The following RIN2 variants were observed in gnomAD, a reference collection of about 807,000 sequenced individuals.
RIN2 encodes RAB5 interacting protein 2.
Under a neutral mutation model 78.0 loss-of-function variants are expected in RIN2, and 36 were observed. The ratio of observed to expected loss-of-function variants is 0.46; its 90% confidence interval spans 0.35 to 0.61. The LOEUF (loss-of-function observed/expected upper bound fraction) is 0.61, where lower values mean the gene tolerates loss of function less well. Ranked by LOEUF, RIN2 falls within the 20% of genes least tolerant of loss-of-function variation. The pLI is 0.00. For missense variants in RIN2, 1,087 were observed against 1,159.7 expected, an observed-to-expected ratio of 0.94 and a Z score of 0.91; for synonymous variants, 466 against 466.8, an observed-to-expected ratio of 1.00 and a Z score of 0.02.
At chr20:19,803,034 G>A (rs1182524921) in intron 2 of RIN2, among the ~76,000 whole-genome samples, 1 of 152,126 alleles carries the variant, frequency 6.6e-6, no homozygotes, top group East Asian at 1.9e-4. Flanking sequence ...AATTAACCGA[G>A]AATGCTTTAT....
At chr20:19,856,831 C>T (rs2037185822) in intron 2 of RIN2, among the ~76,000 whole-genome samples, 1 of 152,152 alleles carries the variant, frequency 6.6e-6, no homozygotes. Flanking sequence ...GTAGCTTTGG[C>T]TGTGAACTGA....
intron 1 of RIN2, among the ~76,000 whole-genome samples, chr20:19,796,664 G>T (rs182315042): frequency 6.6e-6 from 1 of 152,090 alleles, no homozygotes; most frequent in Non-Finnish European, 1.5e-5. Context: ...TTGGAATCAC[G>T]CAGGGAGCTT....
At chr20:19,789,807 A>C (rs958624704) in intron 1 of RIN2, among the ~76,000 whole-genome samples, 20 of 152,148 alleles carry the variant, frequency 1.3e-4, no homozygotes, top group Non-Finnish European at 2.9e-5. Flanking sequence ...CCCAGTCCCA[A>C]AGTGCTAGCC....
Position 20,000,978 on chromosome 20 carries a change from T to C in RIN2, c.*42T>C. The C allele has an allele frequency of 6.6e-7, 1 of 1,526,194 alleles. No individual in the cohort carries two copies. Among genetic ancestry groups the C allele is most frequent in the South Asian group, 1.2e-5 (1 of 83,420 alleles). 94.5% of individuals were successfully genotyped at this position (1,526,194 alleles called of 1,614,324 possible). The stretch of plus-strand genomic sequence containing the variant: ...CCCAGTGGTGCATCCAAAGGGGAGC[T>C]GGAAGCCTTGCCTTCCCGCTTCTAC... On this transcript the variant is annotated 3_prime_UTR_variant, in exon 13 of 13. Transcript: ENST00000255006.
intron 1 of RIN2, among the ~76,000 whole-genome samples, chr20:19,792,734 A>G (rs1372906202): frequency 6.6e-6 from 1 of 152,246 alleles, no homozygotes; most frequent in Admixed American, 6.5e-5. Context: ...TCTTCCAGCT[A>G]CAAAATGAGC....
intron 8 of RIN2, 48 bp from the exon 9 acceptor site, chr20:19,974,606 T>C (rs761241536): frequency 1.3e-6 from 2 of 1,559,664 alleles, no homozygotes; most frequent in South Asian, 2.3e-5. Context: ...AGGAATGGTC[T>C]GAGTGTACCG....
intron 2 of RIN2, among the ~76,000 whole-genome samples, chr20:19,866,091 G>C (rs1204002966): frequency 6.6e-6 from 1 of 151,984 alleles, no homozygotes; most frequent in Non-Finnish European, 1.5e-5. Flanking sequence ...CCCTGAGCTT[G>C]GTTTCCTGCA....
intron 2 of RIN2, among the ~76,000 whole-genome samples, chr20:19,854,736 C>T (rs1159106048): frequency 6.6e-6 from 1 of 152,120 alleles, no homozygotes; most frequent in Non-Finnish European, 1.5e-5. Flanking sequence ...ATTTTGTATC[C>T]TGAGACTTTG....
At chr20:19,760,014 C>T (rs17370078) in intron 1 of RIN2, among the ~76,000 whole-genome samples, 13,776 of 152,248 alleles carry the variant, frequency 0.09, 647 homozygotes, top group African/African-American at 0.12. Flanking sequence ...GATGTAGTCA[C>T]GTTCACTGAA....
chr20:19,844,645 CTTCTT>C (rs2036698651), intron 2 of RIN2, among the ~76,000 whole-genome samples: 1 of 127,272 alleles, frequency 7.9e-6, no homozygotes, highest in African/African-American at 3.0e-5. Flanking sequence ...TCTTCTTCTT[CTTCTT>C]CTTCTTCTTC....
At chr20:19,789,907 C>T (rs984457094) in intron 1 of RIN2, among the ~76,000 whole-genome samples, 8 of 152,170 alleles carry the variant, frequency 5.3e-5, no homozygotes, top group African/African-American at 1.9e-4. Flanking sequence ...AGTCTAATTC[C>T]ACTCACATGA....
intron 5 of RIN2, 55 bp from the exon 6 acceptor site, chr20:19,960,645 G>T: frequency 7.7e-7 from 1 of 1,295,546 alleles, no homozygotes; most frequent in Non-Finnish European, 1.1e-6. Context: ...CCAGATGCTT[G>T]GGTTCCAACA....
chr20:19,948,728 C>A (rs933053396), intron 4 of RIN2, among the ~76,000 whole-genome samples: 1 of 152,118 alleles, frequency 6.6e-6, no homozygotes, highest in East Asian at 1.9e-4. Context: ...TCCAGTTTCT[C>A]GGGAACACTC....
rs143260928 is a variant in RIN2 at position 19,893,513 on chromosome 20, G to A, written c.57+3855G>A. On this transcript the variant is annotated intron_variant, in intron 3 of 12. Transcript: ENST00000255006. ...CAGAGTTGCTAACCACTAGTAGTTAGCACTACTAGTGATTTGTGGTTTCCC... is the reference window on the plus strand; with the variant it reads ...CAGAGTTGCTAACCACTAGTAGTTAACACTACTAGTGATTTGTGGTTTCCC... Among the ~76,000 whole-genome samples, 217 of 152,288 alleles carry A rather than the reference G, an allele frequency of 1.4e-3. 2 individuals carry two copies. Among genetic ancestry groups the A allele is most frequent in the African/African-American group, 4.9e-3 (205 of 41,542 alleles).
intron 4 of RIN2, among the ~76,000 whole-genome samples, chr20:19,937,349 A>G (rs1019650597): frequency 1.3e-5 from 2 of 152,118 alleles, no homozygotes; most frequent in Admixed American, 1.3e-4. Context: ...AGTGGCGAGC[A>G]CCGCCCGGGC....
intron 6 of RIN2, among the ~76,000 whole-genome samples, chr20:19,961,854 T>A (rs978300915): frequency 1.3e-5 from 2 of 152,118 alleles, no homozygotes; most frequent in Non-Finnish European, 2.9e-5. Context: ...ACCCAGCCAA[T>A]AATGTAAATA....
intron 3 of RIN2, among the ~76,000 whole-genome samples, chr20:19,908,171 G>A (rs956793101): frequency 4.6e-5 from 7 of 152,166 alleles, no homozygotes; most frequent in African/African-American, 9.7e-5. Context: ...GAGGCATTAT[G>A]TTGTGTTATG....
intron 2 of RIN2, among the ~76,000 whole-genome samples, chr20:19,817,470 T>C (rs1329296328): frequency 6.6e-6 from 1 of 151,974 alleles, no homozygotes; most frequent in Non-Finnish European, 1.5e-5. Flanking sequence ...TACCTCTTAA[T>C]ACTATTGCAA....
At chr20:19,874,403 C>T (rs772425574) in intron 2 of RIN2, among the ~76,000 whole-genome samples, 16 of 152,172 alleles carry the variant, frequency 1.1e-4, no homozygotes, top group African/African-American at 3.1e-4. Flanking sequence ...GGCTAATTCA[C>T]GGTTGGTGAT....
Sources: allele counts gnomAD v4.1 joint callset (sites outside exome capture counted in the v4.1 genomes callset), GRCh38; gene constraint gnomAD v4.1.1; transcripts MANE v1.5; gene names NCBI Gene and HGNC (gene_info 2026-07-23, HGNC 2026-07-21).